Variants in NLRP1 observed in about 807,000 individuals in gnomAD.
NLRP1 encodes the protein NACHT, LRR and PYD domains-containing protein 1.
Under a neutral mutation model 136.7 loss-of-function variants are expected in NLRP1, and 94 were observed. The ratio of observed to expected loss-of-function variants is 0.69; its 90% confidence interval spans 0.58 to 0.82. The LOEUF (loss-of-function observed/expected upper bound fraction) is 0.82. Among genes scored for constraint, NLRP1 ranks in the 40% least tolerant of loss-of-function variants. NLRP1 has a pLI of 0.00. For synonymous variants in NLRP1, 690 were observed against 725.1 expected, an observed-to-expected ratio of 0.95 and a Z score of 0.78; for missense variants, 1,575 against 1,802.7, an observed-to-expected ratio of 0.87 and a Z score of 2.29.
chr17:5,568,688 C>T (rs1484575052), intron 3 of NLRP1, among the ~76,000 whole-genome samples: 3 of 152,058 alleles, frequency 2.0e-5, no homozygotes, highest in Non-Finnish European at 4.4e-5. Flanking sequence ...TTATAGGCAG[C>T]CTTTTTGGAA....
intron 10 of NLRP1, 133 bp from the exon 11 acceptor site, chr17:5,533,117 T>C: frequency 7.0e-7 from 1 of 1,422,426 alleles, no homozygotes; most frequent in Non-Finnish European, 9.4e-7. Flanking sequence ...CTGCAGCTTC[T>C]GCTCCTGCTC....
intron 12 of NLRP1, among the ~76,000 whole-genome samples, chr17:5,526,370 A>G (rs1462336373): frequency 6.6e-6 from 1 of 152,180 alleles, no homozygotes; most frequent in Non-Finnish European, 1.5e-5. Context: ...CAGGAAGACA[A>G]CAGTTTTGAG....
intron 3 of NLRP1, among the ~76,000 whole-genome samples, chr17:5,578,812 G>A (rs12945113): frequency 0.16 from 24,321 of 152,152 alleles, 2,533 homozygotes; most frequent in Admixed American, 0.24. Context: ...ACATGCACAC[G>A]TATGTTTATT....
intron 8 of NLRP1, among the ~76,000 whole-genome samples, chr17:5,534,366 C>T (rs1910747867): frequency 6.6e-6 from 1 of 152,156 alleles, no homozygotes; most frequent in South Asian, 2.1e-4. Flanking sequence ...CAGACCCTGT[C>T]TCAAACAAAA....
intron 4 of NLRP1, among the ~76,000 whole-genome samples, chr17:5,556,493 C>T (rs1455805339): frequency 2.0e-5 from 3 of 151,006 alleles, no homozygotes; most frequent in African/African-American, 4.9e-5. Flanking sequence ...ATACCCCACA[C>T]CCACTCACAA....
Position 5,583,612 on chromosome 17 carries a change from G to A in NLRP1, c.271+75C>T, listed in dbSNP as rs1179270960. ...GGCCTGGCAGGGAGGGCTCAGTGGTGGGGTCCCAAGAGGGCAGGGCAGGCA... is the reference window on the plus strand; with the variant it reads ...GGCCTGGCAGGGAGGGCTCAGTGGTAGGGTCCCAAGAGGGCAGGGCAGGCA... On this transcript the variant is annotated intron_variant, in intron 1 of 16. Transcript: ENST00000572272. The surrounding 1 kb of genome is among the most constrained non-coding windows in gnomAD (Gnocchi z 4.5). 2.1e-6 allele frequency: 3 copies of A among 1,431,994 alleles called. No individual in the cohort carries two copies. In the African/African-American group the frequency reaches 4.2e-5, roughly 20 times the overall value. The allele number at this position is 1,431,994 out of a possible 1,614,324, so 88.7% of individuals were successfully genotyped here.
intron 9 of NLRP1, among the ~76,000 whole-genome samples, 177 bp from the exon 10 acceptor site, chr17:5,533,561 T>G (rs891943907): frequency 6.7e-6 from 1 of 149,278 alleles, no homozygotes; most frequent in African/African-American, 2.5e-5. Flanking sequence ...GTTTTTTTTT[T>G]TTTTTTTTTT....
intron 8 of NLRP1, among the ~76,000 whole-genome samples, chr17:5,536,351 G>A (rs538419548): frequency 1.3e-5 from 2 of 150,544 alleles, no homozygotes; most frequent in Non-Finnish European, 2.9e-5. Flanking sequence ...GTTTCACCAT[G>A]TTGGTCAGGC....
At chr17:5,582,200 G>T in intron 2 of NLRP1, 138 bp from the exon 3 acceptor site, 1 of 761,492 alleles carries the variant, frequency 1.3e-6, no homozygotes, top group Non-Finnish European at 2.1e-6. Flanking sequence ...AAGTAGAGGG[G>T]CAATTTTATT....
At chr17:5,533,551 G>GTTTTTTTTTTTTTTTT (rs35006823) in intron 9 of NLRP1, among the ~76,000 whole-genome samples, 167 bp from the exon 10 acceptor site, 17 of 90,030 alleles carry the variant, frequency 1.9e-4, no homozygotes, top group South Asian at 8.1e-4. Flanking sequence ...GTGAGACTCT[G>GTTTTTTTTTTTTTTTT]TTTTTTTTTT....
intron 4 of NLRP1, among the ~76,000 whole-genome samples, chr17:5,557,841 G>A (rs1439663451): frequency 6.6e-6 from 1 of 152,176 alleles, no homozygotes; most frequent in African/African-American, 2.4e-5. Context: ...CAGTTTTGCA[G>A]GGAAAAATAG....
intron 5 of NLRP1, among the ~76,000 whole-genome samples, chr17:5,552,466 T>C (rs1219050359): frequency 6.6e-6 from 1 of 152,178 alleles, no homozygotes; most frequent in African/African-American, 2.4e-5. Flanking sequence ...TCCAGTTGGA[T>C]ACCTTGAAAG....
chr17:5,525,841 C>A (rs1437158135), intron 12 of NLRP1, among the ~76,000 whole-genome samples: 1 of 152,162 alleles, frequency 6.6e-6, no homozygotes, highest in African/African-American at 2.4e-5. Context: ...TAATAAGGAC[C>A]ACTTGCTCGT....
Position 5,514,677 on chromosome 17 carries a change from T to G in NLRP1, c.*77A>C. The G allele has an allele frequency of 6.4e-7, 1 of 1,571,698 alleles. No homozygotes were observed. The highest frequency in any genetic ancestry group is 8.6e-7 in the Non-Finnish European group (1 of 1,157,954). ...AAGGCAAACCAGATGGCAACTTGTT[T>G]GCAGAGAAAGAAACTGAGACCCAAA... On this transcript the variant is annotated 3_prime_UTR_variant, in exon 17 of 17. Coordinates refer to ENST00000572272, the MANE Select transcript of NLRP1 (RefSeq NM_033004.4).
At chr17:5,557,598 A>G (rs896227381) in intron 4 of NLRP1, among the ~76,000 whole-genome samples, 3 of 152,222 alleles carry the variant, frequency 2.0e-5, no homozygotes, top group African/African-American at 7.2e-5. Flanking sequence ...CTGGCATAGA[A>G]TCAGTGCTTA....
intron 3 of NLRP1, among the ~76,000 whole-genome samples, chr17:5,566,471 T>G (rs1409011861): frequency 6.6e-6 from 1 of 152,136 alleles, no homozygotes; most frequent in East Asian, 1.9e-4. Flanking sequence ...TATGTAGTTT[T>G]CTAAATTCCT....
chr17:5,533,844 T>C (rs1376154715), intron 9 of NLRP1, 53 bp downstream of exon 9: 1 of 1,225,766 alleles, frequency 8.2e-7, no homozygotes, highest in Non-Finnish European at 1.2e-6. Context: ...CTCCCACAGC[T>C]GACCTCCCCC....
Position 5,558,582 on chromosome 17 carries a change from G to A in NLRP1, c.2114C>T (p.Pro705Leu), listed in dbSNP as rs776100273. 32 of 1,613,894 alleles carry A rather than the reference G, an allele frequency of 2.0e-5. No individual in the cohort carries two copies. The highest frequency in any genetic ancestry group is 2.7e-5 in the African/African-American group (2 of 74,886). ...TGGCTGCAGCAGCAGCTGCAGGGACGGGACCCACTGCATCAGGTTCCTCCC... is the reference window on the plus strand; with the variant it reads ...TGGCTGCAGCAGCAGCTGCAGGGACAGGACCCACTGCATCAGGTTCCTCCC... The part of the protein sequence containing the change: ...SQGRNLMQWV[P>L]SLQLLLQPHS... Residue 705 changes from proline (P) to leucine (L), a missense_variant, in exon 4 of 17, where the codon CCG (proline) becomes CTG (leucine). Coordinates refer to ENST00000572272, the MANE Select transcript of NLRP1 (RefSeq NM_033004.4).
Position 5,530,598 on chromosome 17 carries a change from A to G in NLRP1, c.3403T>C (p.Phe1135Leu). ...TGCTGTGGGTTGATCTCACCCAGGA[A>G]CTGGTCCCACACACAGAATTCAATC... is the stretch of plus-strand genomic sequence containing the variant. ...VEIEFCVWDQ[F>L]LGEINPQHSW... Residue 1135 changes from phenylalanine (F) to leucine (L), a missense_variant, in exon 12 of 17, where the codon TTC (phenylalanine) becomes CTC (leucine). Coordinates refer to ENST00000572272, the MANE Select transcript of NLRP1 (RefSeq NM_033004.4). 6.2e-7 allele frequency: 1 copy of G among 1,614,194 alleles called. No individual in the cohort carries two copies. The highest frequency in any genetic ancestry group is 8.5e-7 in the Non-Finnish European group (1 of 1,180,026).
Sources: gnomAD v4.1 joint callset for allele counts (sites outside exome capture counted in the v4.1 genomes callset) on GRCh38, gnomAD v4.1.1 for gene constraint, Gnocchi (gnomAD v3.1) non-coding constraint, MANE v1.5 for transcripts, NCBI Gene and HGNC (gene_info 2026-07-23, HGNC 2026-07-21) for gene names.